CACNA2D3: variants seen among roughly 807,000 people sequenced by gnomAD.
CACNA2D3 encodes calcium voltage-gated channel auxiliary subunit alpha2delta 3.
In CACNA2D3, 60 loss-of-function variants were observed where a neutral mutation model predicts 160.6. That is an observed-to-expected ratio of 0.37 (90% CI 0.30 to 0.46). CACNA2D3 has a LOEUF of 0.46. CACNA2D3 is among the 20% of genes least tolerant of loss of function. CACNA2D3 has a pLI of 1.00. For missense variants in CACNA2D3, 1,205 were observed against 1,365.0 expected, an observed-to-expected ratio of 0.88 and a Z score of 1.85; for synonymous variants, 558 against 492.9, an observed-to-expected ratio of 1.13 and a Z score of -1.75.
chr3:54,977,081 G>C (rs1244137003), intron 29 of CACNA2D3, among the ~76,000 whole-genome samples: 1 of 152,040 alleles, frequency 6.6e-6, no homozygotes, highest in South Asian at 2.1e-4. Context: ...AAACAAATGG[G>C]GTAAGGGGCC....
At chr3:54,924,649 T>C (rs1700957555) in intron 27 of CACNA2D3, 12 of 1,614,004 alleles carry the variant, frequency 7.4e-6, no homozygotes, top group African/African-American at 1.3e-5. Flanking sequence ...AGCCAGAGTT[T>C]AAGACCGAGC....
intron 2 of CACNA2D3, among the ~76,000 whole-genome samples, chr3:54,125,151 C>T (rs1699563258): frequency 1.3e-5 from 2 of 151,910 alleles, no homozygotes; most frequent in South Asian, 4.2e-4. Flanking sequence ...CCCTTCAGAG[C>T]CTGTTAATAT....
intron 27 of CACNA2D3, among the ~76,000 whole-genome samples, chr3:54,914,728 C>A (rs781697441): frequency 6.6e-6 from 1 of 152,114 alleles, no homozygotes; most frequent in Non-Finnish European, 1.5e-5. Flanking sequence ...ATCAAAAGAG[C>A]AAAAGGATGG....
intron 11 of CACNA2D3, among the ~76,000 whole-genome samples, chr3:54,744,567 G>C (rs1052448625): frequency 6.6e-6 from 1 of 152,200 alleles, no homozygotes; most frequent in Non-Finnish European, 1.5e-5. Flanking sequence ...TAGTGTTCCT[G>C]ATTATGTTAG....
chr3:54,846,371 T>G, intron 16 of CACNA2D3, 22 bp from the exon 17 acceptor site: 1 of 1,546,914 alleles, frequency 6.5e-7, no homozygotes, highest in Non-Finnish European at 8.9e-7. Context: ...AATGAAGGTT[T>G]CTTTCTTGCT....
At chr3:55,066,391 A>G (rs981224820) in intron 35 of CACNA2D3, among the ~76,000 whole-genome samples, 3 of 152,174 alleles carry the variant, frequency 2.0e-5, no homozygotes, top group African/African-American at 4.8e-5. Flanking sequence ...TCCTGACCAA[A>G]TATTTTTCAA....
At chr3:54,286,597 C>T (rs1265501961) in intron 2 of CACNA2D3, among the ~76,000 whole-genome samples, 4 of 152,010 alleles carry the variant, frequency 2.6e-5, no homozygotes, top group African/African-American at 4.8e-5. Context: ...AGATATTCCT[C>T]GAGAAGAGCA....
chr3:54,976,013 G>A (rs543708703), intron 29 of CACNA2D3, among the ~76,000 whole-genome samples: 42 of 151,016 alleles, frequency 2.8e-4, no homozygotes, highest in African/African-American at 8.5e-4. Context: ...ATCTGTCTTA[G>A]GTATCCATAG....
intron 10 of CACNA2D3, among the ~76,000 whole-genome samples, chr3:54,635,097 C>G (rs941320250): frequency 6.6e-6 from 1 of 151,734 alleles, no homozygotes; most frequent in Non-Finnish European, 1.5e-5. Flanking sequence ...AGAGATTAAG[C>G]TGAAAGGAGA....
intron 3 of CACNA2D3, among the ~76,000 whole-genome samples, chr3:54,362,161 G>C (rs1698754368): frequency 6.6e-6 from 1 of 152,196 alleles, no homozygotes; most frequent in African/African-American, 2.4e-5. Context: ...CAGAGGTCCA[G>C]GCACAGCAGA....
intron 29 of CACNA2D3, among the ~76,000 whole-genome samples, chr3:54,973,415 T>C (rs184889443): frequency 2.0e-5 from 3 of 152,174 alleles, no homozygotes; most frequent in African/African-American, 7.2e-5. Context: ...TGTCTCCTAC[T>C]GAGGCATTGG....
intron 8 of CACNA2D3, among the ~76,000 whole-genome samples, chr3:54,580,937 G>T (rs1407428419): frequency 6.6e-6 from 1 of 152,172 alleles, no homozygotes; most frequent in African/African-American, 2.4e-5. Context: ...ACATGTCAGA[G>T]GACAGCAGGG....
rs774219527 is a variant in CACNA2D3, at chr3:54,918,665, T to G, written c.2449+18797T>G. 2.5e-6 allele frequency: 4 copies of G among 1,614,206 alleles called. No homozygotes were observed. The South Asian group carries it at 4.4e-5, about 18-fold the overall frequency. ...ATGGCATGACGCAGGTTGGCCGGCCTTGGCTTGGGTTTGAGCTCGCACTCC... is the reference window on the plus strand; with the variant it reads ...ATGGCATGACGCAGGTTGGCCGGCCGTGGCTTGGGTTTGAGCTCGCACTCC... On this transcript the variant is annotated intron_variant, in intron 27 of 37. Transcript: ENST00000474759.
intron 31 of CACNA2D3, among the ~76,000 whole-genome samples, chr3:54,995,062 C>G (rs1027925435): frequency 6.6e-6 from 1 of 152,144 alleles, no homozygotes; most frequent in Non-Finnish European, 1.5e-5. Context: ...CAACCTCTGC[C>G]TCCCGGATTC....
At chr3:54,412,009 T>TG (rs1266552477) in intron 4 of CACNA2D3, among the ~76,000 whole-genome samples, 1 of 152,230 alleles carries the variant, frequency 6.6e-6, no homozygotes, top group African/African-American at 2.4e-5. Flanking sequence ...AGCTTCCTTC[T>TG]GTCCTTCACA....
chr3:54,551,732 A>G (rs1003591518), intron 5 of CACNA2D3, among the ~76,000 whole-genome samples: 1 of 152,172 alleles, frequency 6.6e-6, no homozygotes, highest in Non-Finnish European at 1.5e-5. Flanking sequence ...ACAGATTTTC[A>G]AGCAAAATGC....
intron 8 of CACNA2D3, 104 bp downstream of exon 8, chr3:54,570,208 C>A: frequency 8.4e-7 from 1 of 1,184,922 alleles, no homozygotes; most frequent in South Asian, 1.4e-5. Context: ...CATCTAGATG[C>A]CAGAACATGA....
chr3:54,914,745 A>G (rs1700626081), intron 27 of CACNA2D3, among the ~76,000 whole-genome samples: 1 of 152,224 alleles, frequency 6.6e-6, no homozygotes. Context: ...ATGGTTCCCT[A>G]AAGTCATGCA....
intron 29 of CACNA2D3, among the ~76,000 whole-genome samples, chr3:54,975,649 G>A (rs953085836): frequency 6.6e-6 from 1 of 152,028 alleles, no homozygotes; most frequent in Non-Finnish European, 1.5e-5. Flanking sequence ...TGTTTGCTAG[G>A]ATGTAGAGCA....
Sources: allele counts gnomAD v4.1 joint callset (sites outside exome capture counted in the v4.1 genomes callset), GRCh38; gene constraint gnomAD v4.1.1; transcripts MANE v1.5; gene names NCBI Gene and HGNC (gene_info 2026-07-23, HGNC 2026-07-21).